The following ABHD17C variants were observed in gnomAD, a reference collection of about 807,000 sequenced individuals.
The protein encoded by ABHD17C is alpha/beta hydrolase domain-containing protein 17C.
Under a neutral mutation model 27.9 loss-of-function variants are expected in ABHD17C, and 11 were observed. The ratio of observed to expected loss-of-function variants is 0.39; its 90% CI spans 0.25 to 0.65. ABHD17C has a LOEUF of 0.65. Among genes scored for constraint, ABHD17C ranks in the 30% least tolerant of loss-of-function variants. The probability of loss-of-function intolerance (pLI) is 0.45; values close to 1 mark genes in which losing one functional copy is unlikely to be tolerated. For synonymous variants in ABHD17C, 233 were observed against 209.1 expected, an observed-to-expected ratio of 1.11 and a Z score of -0.98; for missense variants, 280 against 470.2, an observed-to-expected ratio of 0.60 and a Z score of 3.74.
rs1454202517 is a variant in ABHD17C at position 80,695,668 on chromosome 15, C to T, written c.239C>T (p.Ala80Val). Residue 80 changes from alanine to valine, a missense_variant, in exon 1 of 3, where the codon GCG becomes GTG. Physicochemically the swap from Ala to Val is moderately conservative, Grantham distance 64. This residue lies in a region of ABHD17C where 206 missense variants were observed against 394.7 expected (regional missense o/e 0.52). Coordinates refer to ENST00000258884, the MANE Select transcript of ABHD17C (RefSeq NM_021214.2). This position sits in a 1 kb window ranked among gnomAD's most constrained non-coding sequence, Gnocchi z 4.3. ...QPAPQQPEEG[A>V]GAGPGACSLH... ...GCACCGCAGCAGCCCGAGGAGGGCGCGGGCGCGGGGCCCGGTGCGTGCAGC... is the reference window on the plus strand; with the variant it reads ...GCACCGCAGCAGCCCGAGGAGGGCGTGGGCGCGGGGCCCGGTGCGTGCAGC... The T allele has an allele frequency of 7.0e-7, 1 of 1,436,664 alleles. No individual in the cohort carries two copies. The highest frequency in any genetic ancestry group is 9.0e-7 in the Non-Finnish European group (1 of 1,105,152). 89.0% of individuals were successfully genotyped at this position (1,436,664 alleles called of 1,614,324 possible).
intron 2 of ABHD17C, among the ~76,000 whole-genome samples, chr15:80,751,247 C>T (rs556813930): frequency 6.6e-6 from 1 of 152,090 alleles, no homozygotes; most frequent in South Asian, 2.1e-4. Context: ...GTAATCCCAG[C>T]TACTGGGGAG....
intron 1 of ABHD17C, among the ~76,000 whole-genome samples, chr15:80,713,819 A>G (rs776735971): frequency 6.6e-6 from 1 of 151,638 alleles, no homozygotes; most frequent in Non-Finnish European, 1.5e-5. Context: ...AAAAAAAAGC[A>G]ACAAAAAACA....
intron 1 of ABHD17C, among the ~76,000 whole-genome samples, chr15:80,722,017 G>A (rs1894903676): frequency 1.3e-5 from 2 of 152,080 alleles, no homozygotes; most frequent in Admixed American, 6.5e-5. Context: ...TTAGTTGCAT[G>A]CTAATTTTGA....
At chr15:80,714,574 G>T (rs1042081067) in intron 1 of ABHD17C, among the ~76,000 whole-genome samples, 1 of 152,132 alleles carries the variant, frequency 6.6e-6, no homozygotes, top group Non-Finnish European at 1.5e-5. Flanking sequence ...GGTGGCGGGG[G>T]GTGGACATCT....
At chr15:80,708,500 G>A (rs1435668751) in intron 1 of ABHD17C, among the ~76,000 whole-genome samples, 3 of 152,166 alleles carry the variant, frequency 2.0e-5, no homozygotes, top group African/African-American at 7.2e-5. Context: ...ATTTTTAGTA[G>A]AGACAGTGTT....
chr15:80,701,579 C>G (rs943631651), intron 1 of ABHD17C, among the ~76,000 whole-genome samples: 2 of 150,828 alleles, frequency 1.3e-5, no homozygotes, highest in African/African-American at 4.9e-5. Flanking sequence ...CTCAAGAGGC[C>G]GAGGCATGAG....
At chr15:80,753,046 G>A (rs569607637) in intron 2 of ABHD17C, among the ~76,000 whole-genome samples, 2 of 152,160 alleles carry the variant, frequency 1.3e-5, no homozygotes, top group East Asian at 1.9e-4. Context: ...ATGAAATGGG[G>A]TGTGTATCTT....
At chr15:80,704,746 C>T (rs749881035) in intron 1 of ABHD17C, 6 of 152,050 alleles carry the variant, frequency 3.9e-5, no homozygotes, top group Non-Finnish European at 5.9e-5. Flanking sequence ...TGCATGGAAT[C>T]GTCACTGCTC....
intron 1 of ABHD17C, among the ~76,000 whole-genome samples, chr15:80,729,239 C>G (rs1456579725): frequency 6.6e-6 from 1 of 152,082 alleles, no homozygotes; most frequent in Non-Finnish European, 1.5e-5. Flanking sequence ...ATGCGTGTAA[C>G]CAGCAGGGCA....
chr15:80,747,050 T>G (rs1895297408), intron 1 of ABHD17C, among the ~76,000 whole-genome samples: 1 of 152,218 alleles, frequency 6.6e-6, no homozygotes, highest in African/African-American at 2.4e-5. Flanking sequence ...CTGTGCGTCA[T>G]TCATTAACTG....
chr15:80,754,415 CCT>C lies in ABHD17C; in HGVS notation c.*48_*49del, dbSNP rs754039986. 4 of 1,528,230 alleles carry C rather than the reference CCT, an allele frequency of 2.6e-6. No individual in the cohort carries two copies. The highest frequency in any genetic ancestry group is 3.6e-6 in the Non-Finnish European group (4 of 1,120,806). 94.7% of individuals were successfully genotyped at this position (1,528,230 alleles called of 1,614,324 possible). On this transcript the variant is annotated 3_prime_UTR_variant, in exon 3 of 3. Coordinates refer to ENST00000258884, the MANE Select transcript of ABHD17C (RefSeq NM_021214.2). ...CCTCATTTACTGTGAACAGAAGAGT[CCT>C]CTGTTTTGCACATGCTTTAACTGGG...
intron 1 of ABHD17C, among the ~76,000 whole-genome samples, chr15:80,713,257 T>C (rs1894751611): frequency 6.6e-6 from 1 of 151,920 alleles, no homozygotes. Flanking sequence ...CCTGCCATTT[T>C]TGGGATGTGG....
intron 1 of ABHD17C, among the ~76,000 whole-genome samples, chr15:80,737,777 A>G (rs761827242): frequency 6.6e-6 from 1 of 152,150 alleles, no homozygotes; most frequent in East Asian, 1.9e-4. Flanking sequence ...GAGGGAGAAC[A>G]TTCCAGGCAG....
rs574721554 is a variant in ABHD17C at position 80,754,598 on chromosome 15, C to G, written c.*228C>G. The G allele has an allele frequency of 2.0e-4, 99 of 496,666 alleles. No individual in the cohort carries two copies. Among genetic ancestry groups the G allele is most frequent in the South Asian group, 5.6e-5 (2 of 35,766 alleles). 30.8% of individuals were successfully genotyped at this position (496,666 alleles called of 1,614,324 possible). A position where few individuals can be genotyped will look rare whatever the true frequency, so the allele number is the denominator to read the frequency against. The stretch of plus-strand genomic sequence containing the variant: ...CAGTCGTGATTCCCAGCTTCATTAC[C>G]TTGCAGGAATGGGAATGAGAGCTGA... On this transcript the variant is annotated 3_prime_UTR_variant, in exon 3 of 3. Transcript: ENST00000258884.
In ABHD17C at chr15:80,754,498, T is replaced by G; in HGVS notation, c.*128T>G. 1.4e-6 allele frequency: 1 copy of G among 731,188 alleles called. No individual in the cohort carries two copies. Among genetic ancestry groups the G allele is most frequent in the South Asian group, 1.9e-5 (1 of 52,076 alleles). The allele number at this position is 731,188 out of a possible 1,614,324, so 45.3% of individuals were successfully genotyped here. A position where few individuals can be genotyped will look rare whatever the true frequency, so the allele number is the denominator to read the frequency against. ...GTGCCCAACCTTTAGGGTGTTCTAA[T>G]CAAAGAGCTGATGAAATCTCAGTCT... is the stretch of plus-strand genomic sequence containing the variant. On this transcript the variant is annotated 3_prime_UTR_variant, in exon 3 of 3. Coordinates refer to ENST00000258884, the MANE Select transcript of ABHD17C (RefSeq NM_021214.2).
At chr15:80,723,007 C>T (rs1282331290) in intron 1 of ABHD17C, among the ~76,000 whole-genome samples, 4 of 152,158 alleles carry the variant, frequency 2.6e-5, no homozygotes, top group Admixed American at 2.6e-4. Flanking sequence ...ATACGGAGGA[C>T]CAACTGTTCA....
chr15:80,716,957 C>T (rs1894811683), intron 1 of ABHD17C, among the ~76,000 whole-genome samples: 1 of 152,122 alleles, frequency 6.6e-6, no homozygotes, highest in Non-Finnish European at 1.5e-5. Context: ...GGTCTGTTCC[C>T]CCATGACCTC....
At chr15:80,734,149 T>C (rs1178923675) in intron 1 of ABHD17C, among the ~76,000 whole-genome samples, 1 of 152,054 alleles carries the variant, frequency 6.6e-6, no homozygotes, top group Non-Finnish European at 1.5e-5. Flanking sequence ...CATGCCGGAC[T>C]AATTTTTGTA....
At chr15:80,751,753 C>G (rs1895369442) in intron 2 of ABHD17C, among the ~76,000 whole-genome samples, 1 of 152,100 alleles carries the variant, frequency 6.6e-6, no homozygotes, top group African/African-American at 2.4e-5. Flanking sequence ...GACCCTGTCT[C>G]TTAAAAAAAT....
Sources: gnomAD v4.1 joint callset for allele counts (sites outside exome capture counted in the v4.1 genomes callset) on GRCh38, gnomAD v4.1.1 for gene constraint, gnomAD v4.1.1 regional missense constraint, Gnocchi (gnomAD v3.1) non-coding constraint, MANE v1.5 for transcripts, NCBI Gene and HGNC (gene_info 2026-07-23, HGNC 2026-07-21) for gene names.